The following ARF3 variants were observed in gnomAD, a reference collection of about 807,000 sequenced individuals.
The protein encoded by ARF3 is ADP-ribosylation factor 3.
In ARF3, 5 loss-of-function variants were observed where a neutral mutation model predicts 19.3. That is an observed-to-expected ratio of 0.26 (90% confidence interval 0.14 to 0.54). The LOEUF (loss-of-function observed/expected upper bound fraction) is 0.54, where lower values mean the gene tolerates loss of function less well. Among genes scored for constraint, ARF3 ranks in the 20% least tolerant of loss-of-function variants. ARF3 has a pLI of 0.95. For missense variants in ARF3, 77 were observed against 234.2 expected (o/e 0.33, Z 4.38); for synonymous variants, 71 against 89.2 (o/e 0.80, Z 1.15).
chr12:48,949,212 G>A (rs1940418884), intron 1 of ARF3, among the ~76,000 whole-genome samples: 1 of 152,150 alleles, frequency 6.6e-6, no homozygotes, highest in South Asian at 2.1e-4. Context: ...AGGTGAATAT[G>A]TATGTTTGTT....
Position 48,939,196 on chromosome 12 carries a change from G to A in ARF3, c.385-88C>T. The A allele has an allele frequency of 1.4e-6, 2 of 1,405,480 alleles. No homozygotes were observed. Among genetic ancestry groups the A allele is most frequent in the Non-Finnish European group, 1.9e-6 (2 of 1,034,558 alleles). The allele number at this position is 1,405,480 out of a possible 1,614,324, so 87.1% of individuals were successfully genotyped here. A position where few individuals can be genotyped will look rare whatever the true frequency, so the allele number is the denominator to read the frequency against. Reference sequence around the variant, plus strand: ...CCATCTACCAAAGAAATGTGTACCAGCACCTTCCCCTCCTCCTTTATTTTA... The same window carrying A: ...CCATCTACCAAAGAAATGTGTACCAACACCTTCCCCTCCTCCTTTATTTTA... On this transcript the variant is annotated intron_variant, in intron 4 of 4. Coordinates refer to ENST00000256682, the MANE Select transcript of ARF3 (RefSeq NM_001659.3). This position sits in a 1 kb window ranked among gnomAD's most constrained non-coding sequence, Gnocchi z 4.8.
rs778220701 is a variant in ARF3 at position 48,939,763 on chromosome 12, G to A, written c.276C>T (p.Val92=). Residue 92 remains valine, a synonymous_variant, in exon 4 of 5, where the codon GTC becomes GTT. Coordinates refer to ENST00000256682, the MANE Select transcript of ARF3 (RefSeq NM_001659.3). This position sits in a 1 kb window ranked among gnomAD's most constrained non-coding sequence, Gnocchi z 4.8. The part of the protein sequence containing the change: ...FQNTQGLIFV[V]DSNDRERVNE... Reference sequence around the variant, plus strand: ...TTACTCGCTCCCGATCATTGCTGTCGACCACAAATATCAACCCTAGGAAGG... The same window carrying A: ...TTACTCGCTCCCGATCATTGCTGTCAACCACAAATATCAACCCTAGGAAGG... The A allele has an allele frequency of 7.4e-6, 12 of 1,613,796 alleles. No homozygotes were observed. Among genetic ancestry groups the A allele is most frequent in the African/African-American group, 6.7e-5 (5 of 74,834 alleles).
intron 1 of ARF3, among the ~76,000 whole-genome samples, chr12:48,947,757 T>C (rs1940384644): frequency 6.6e-6 from 1 of 152,154 alleles, no homozygotes; most frequent in African/African-American, 2.4e-5. Context: ...CATAGTATTA[T>C]GTGAACAGAA....
At chr12:48,951,494 C>G (rs968513548) in intron 1 of ARF3, among the ~76,000 whole-genome samples, 1 of 151,816 alleles carries the variant, frequency 6.6e-6, no homozygotes, top group African/African-American at 2.4e-5. Context: ...AGGTGGTGGA[C>G]GAAGGTTGCA....
chr12:48,947,421 C>T (rs1940378438), intron 1 of ARF3, among the ~76,000 whole-genome samples: 1 of 152,024 alleles, frequency 6.6e-6, no homozygotes, highest in East Asian at 1.9e-4. Flanking sequence ...ATTCTCCTGC[C>T]TCAGCCTCCC....
At chr12:48,949,354 T>C (rs1940421735) in intron 1 of ARF3, among the ~76,000 whole-genome samples, 1 of 151,882 alleles carries the variant, frequency 6.6e-6, no homozygotes, top group Non-Finnish European at 1.5e-5. Flanking sequence ...GCCTCCCGAG[T>C]AGCTGGGACT....
intron 1 of ARF3, among the ~76,000 whole-genome samples, chr12:48,953,763 G>C (rs1940510371): frequency 6.6e-6 from 1 of 152,174 alleles, no homozygotes. Context: ...TTCTTTACCA[G>C]ACTATAATAT....
At chr12:48,946,052 C>T (rs1300967164) in intron 1 of ARF3, among the ~76,000 whole-genome samples, 1 of 152,230 alleles carries the variant, frequency 6.6e-6, no homozygotes. Flanking sequence ...ATCCACCTGC[C>T]TTGGCCTCCT....
intron 1 of ARF3, among the ~76,000 whole-genome samples, chr12:48,942,061 T>C (rs1428133240): frequency 6.6e-6 from 1 of 152,118 alleles, no homozygotes; most frequent in Non-Finnish European, 1.5e-5. Flanking sequence ...TCAGGTCATA[T>C]GAGTCCTTTG....
At chr12:48,948,390 G>A (rs570404034) in intron 1 of ARF3, among the ~76,000 whole-genome samples, 4 of 151,626 alleles carry the variant, frequency 2.6e-5, no homozygotes, top group African/African-American at 4.9e-5. Context: ...AAAGACCTAC[G>A]GGCCCAAATC....
chr12:48,951,969 G>A (rs1482866654), intron 1 of ARF3, among the ~76,000 whole-genome samples: 2 of 151,994 alleles, frequency 1.3e-5, no homozygotes, highest in Non-Finnish European at 2.9e-5. Flanking sequence ...CAACCAGAGA[G>A]GCAGAAGGGA....
rs371023220 is a variant in ARF3, at chr12:48,939,902, A to C, written c.259+95T>G. ...CCTTTCCTCCCTTTCTTCTGCCCCC[A>C]GGAGCTGCAGCAGGGTAACAGTTGG... is the stretch of plus-strand genomic sequence containing the variant. On this transcript the variant is annotated intron_variant, in intron 3 of 4. Transcript: ENST00000256682. This position sits in a 1 kb window ranked among gnomAD's most constrained non-coding sequence, Gnocchi z 4.8. 5.7e-6 allele frequency: 9 copies of C among 1,588,380 alleles called. No individual in the cohort carries two copies. Among genetic ancestry groups the C allele is most frequent in the Middle Eastern group, 3.4e-4 (2 of 5,808 alleles).
chr12:48,938,449 AAT>A lies in ARF3; in HGVS notation c.*496_*497del, dbSNP rs1441005748. The A allele has an allele frequency of 4.4e-6, 2 of 453,372 alleles. No homozygotes were observed. The highest frequency in any genetic ancestry group is 4.4e-6 in the Non-Finnish European group (1 of 226,398). The allele number at this position is 453,372 out of a possible 1,614,324, so 28.1% of individuals were successfully genotyped here. A position where few individuals can be genotyped will look rare whatever the true frequency, so the allele number is the denominator to read the frequency against. The stretch of plus-strand genomic sequence containing the variant: ...CTCCCCGCTCCCCCCGGCCCCCACA[AAT>A]ATATCTCTCTATACATGTATATACA... On this transcript the variant is annotated 3_prime_UTR_variant, in exon 5 of 5. Coordinates refer to ENST00000256682, the MANE Select transcript of ARF3 (RefSeq NM_001659.3).
intron 1 of ARF3, among the ~76,000 whole-genome samples, chr12:48,946,103 A>G (rs1395985273): frequency 6.6e-6 from 1 of 152,172 alleles, no homozygotes; most frequent in Non-Finnish European, 1.5e-5. Flanking sequence ...ACGTCTGGCC[A>G]TGACTTTTCT....
In ARF3 at chr12:48,941,116, G is replaced by A; in HGVS notation, c.-21C>T. The A allele has an allele frequency of 6.2e-7, 1 of 1,601,620 alleles. No individual in the cohort carries two copies. The highest frequency in any genetic ancestry group is 1.7e-5 in the Admixed American group (1 of 59,224). On this transcript the variant is annotated 5_prime_UTR_variant, in exon 2 of 5. Coordinates refer to ENST00000256682, the MANE Select transcript of ARF3 (RefSeq NM_001659.3). Reference sequence around the variant, plus strand: ...CCCATGATCACAGCAGCTGCTTTCTGGGGACAGTGGGGCCCAAGTAGGGGC... The same window carrying A: ...CCCATGATCACAGCAGCTGCTTTCTAGGGACAGTGGGGCCCAAGTAGGGGC...
chr12:48,948,037 C>A (rs555015733), intron 1 of ARF3, among the ~76,000 whole-genome samples: 1 of 145,242 alleles, frequency 6.9e-6, no homozygotes, highest in South Asian at 2.2e-4. Context: ...AAAAGCCCAT[C>A]GCTACAAAAA....
In ARF3 at chr12:48,938,697, C is replaced by T. The variant is rs891932830; in HGVS notation, c.*250G>A. The T allele has an allele frequency of 1.5e-5, 8 of 519,860 alleles. No individual in the cohort carries two copies. The highest frequency in any genetic ancestry group is 3.9e-5 in the African/African-American group (2 of 51,892). 32.2% of individuals were successfully genotyped at this position (519,860 alleles called of 1,614,324 possible). A position where few individuals can be genotyped will look rare whatever the true frequency, so the allele number is the denominator to read the frequency against. On this transcript the variant is annotated 3_prime_UTR_variant, in exon 5 of 5. Transcript: ENST00000256682. ...AGAGAGAGGGGCCACCCCATGAAAC[C>T]GTAACAACTTTTTGTTTTAAATCCA...
rs942105212 is a variant in ARF3 at position 48,938,101 on chromosome 12, G to C, written c.*846C>G. 1 of 306,732 alleles carries C rather than the reference G, an allele frequency of 3.3e-6. No individual in the cohort carries two copies. The highest frequency in any genetic ancestry group is 6.5e-6 in the Non-Finnish European group (1 of 152,924). 19.0% of individuals were successfully genotyped at this position (306,732 alleles called of 1,614,324 possible). ...ACTCTAAGCTGATAAGAGTGAGTGGGTTCCTCTCTCCTTCCCAACAGTAAG... is the reference window on the plus strand; with the variant it reads ...ACTCTAAGCTGATAAGAGTGAGTGGCTTCCTCTCTCCTTCCCAACAGTAAG... On this transcript the variant is annotated 3_prime_UTR_variant, in exon 5 of 5. Transcript: ENST00000256682.
chr12:48,955,113 ATCCTGAGTCCACT>A (rs1592245411), intron 1 of ARF3, among the ~76,000 whole-genome samples: 1 of 152,212 alleles, frequency 6.6e-6, no homozygotes, highest in African/African-American at 2.4e-5. Context: ...CCCACCCTCT[ATCCTGAGTCCACT>A]TCCTCTTATT....
Sources: allele counts gnomAD v4.1 joint callset (sites outside exome capture counted in the v4.1 genomes callset), GRCh38; gene constraint gnomAD v4.1.1; non-coding constraint Gnocchi (gnomAD v3.1); transcripts MANE v1.5; gene names NCBI Gene and HGNC (gene_info 2026-07-23, HGNC 2026-07-21).